Variants in IQCK observed in about 807,000 individuals in gnomAD.
IQCK encodes the protein IQ motif containing K, also known as IQ domain-containing protein K.
Under a neutral mutation model 28.1 loss-of-function variants are expected in IQCK, and 29 were observed. The ratio of observed to expected loss-of-function variants is 1.03; its 90% CI spans 0.77 to 1.41. IQCK has a LOEUF of 1.41. Among genes scored for constraint, IQCK ranks in the 40% most tolerant of loss-of-function variants. The pLI is 0.00. For synonymous variants in IQCK, 113 were observed against 115.1 expected (o/e 0.98, Z 0.12); for missense variants, 359 against 314.7 (o/e 1.14, Z -1.07).
intron 9 of IQCK, among the ~76,000 whole-genome samples, chr16:19,848,349 T>C (rs1421546946): frequency 1.3e-5 from 2 of 152,234 alleles, no homozygotes; most frequent in African/African-American, 4.8e-5. Context: ...CTTGCCAGAA[T>C]GATGTTTAAA....
chr16:19,809,046 G>A (rs893886173), intron 7 of IQCK, among the ~76,000 whole-genome samples: 2 of 152,040 alleles, frequency 1.3e-5, no homozygotes, highest in Middle Eastern at 3.2e-3. Flanking sequence ...TAGTAGAGAC[G>A]GGGTTTCACC....
intron 7 of IQCK, among the ~76,000 whole-genome samples, chr16:19,818,504 T>C (rs1022989367): frequency 6.6e-6 from 1 of 152,188 alleles, no homozygotes; most frequent in South Asian, 2.1e-4. Context: ...GTGATCCTCC[T>C]TCCTCAGCCT....
rs967572738 is a variant in IQCK at position 19,825,858 on chromosome 16, G to A, written c.691-1168G>A. Among the ~76,000 whole-genome samples the A allele has an allele frequency of 2.2e-4, 33 of 152,174 alleles. No homozygotes were observed. The highest frequency in any genetic ancestry group is 2.2e-4 in the Non-Finnish European group (15 of 68,034). On this transcript the variant is annotated intron_variant, in intron 7 of 7. Coordinates refer to ENST00000564186, the Ensembl canonical transcript of IQCK. This position sits in a 1 kb window ranked among gnomAD's most constrained non-coding sequence, Gnocchi z 4.2. ...AGTGTTAAATAGAACTGTGGTTAAT[G>A]CATTAACTGTGGTGAACCTAGAACT...
chr16:19,743,986 G>A (rs1597511411), intron 4 of IQCK, among the ~76,000 whole-genome samples: 2 of 152,184 alleles, frequency 1.3e-5, no homozygotes, highest in South Asian at 4.1e-4. Context: ...TGTGGTGTGT[G>A]TGGGTGTGTG....
intron 7 of IQCK, among the ~76,000 whole-genome samples, chr16:19,796,774 C>T (rs147642735): frequency 3.9e-5 from 4 of 103,718 alleles, no homozygotes; most frequent in Non-Finnish European, 6.6e-5. Flanking sequence ...TCACTGCACC[C>T]GGCCTGTTTC....
chr16:19,781,635 T>A (rs911553887), intron 6 of IQCK, among the ~76,000 whole-genome samples: 5 of 152,172 alleles, frequency 3.3e-5, no homozygotes, highest in Admixed American at 6.5e-5. Context: ...TGTCTGGGAG[T>A]ACCATTCCAG....
At chr16:19,769,368 T>TG (rs2055286817) in intron 6 of IQCK, among the ~76,000 whole-genome samples, 1 of 152,200 alleles carries the variant, frequency 6.6e-6, no homozygotes, top group Non-Finnish European at 1.5e-5. Context: ...CAGTTCCTTA[T>TG]TGGTAAATGT....
chr16:19,827,076 TC>T lies in IQCK; in HGVS notation c.742del (p.Arg248AlafsTer29), dbSNP rs2056159037. On this transcript the variant is annotated frameshift_variant, in exon 8 of 8. Transcript: ENST00000564186. LOFTEE classifies it low-confidence loss of function (END_TRUNC). ...AACTGCGTCAGTGGCAGAAGAAACT[TC>T]GCGAGGCCAAGCACATTCACCAGCA... 1.2e-6 allele frequency: 2 copies of T among 1,614,134 alleles called. No individual in the cohort carries two copies. Among genetic ancestry groups the T allele is most frequent in the Admixed American group, 1.7e-5 (1 of 60,016 alleles).
At chr16:19,724,216 C>G (rs755286939) in intron 1 of IQCK, among the ~76,000 whole-genome samples, 8 of 152,148 alleles carry the variant, frequency 5.3e-5, no homozygotes, top group Admixed American at 1.3e-4. Context: ...CACGTGGCCC[C>G]TCTTCTGGAA....
intron 7 of IQCK, among the ~76,000 whole-genome samples, chr16:19,807,806 A>G (rs1171355519): frequency 6.6e-6 from 1 of 152,210 alleles, no homozygotes; most frequent in East Asian, 1.9e-4. Flanking sequence ...ATGTGAGGGC[A>G]TAAATGAAAT....
intron 7 of IQCK, among the ~76,000 whole-genome samples, chr16:19,824,042 AG>A (rs1323805801): frequency 6.6e-6 from 1 of 152,154 alleles, no homozygotes; most frequent in African/African-American, 2.4e-5. Context: ...TCCATGGATG[AG>A]GGACTGGGGT....
Position 19,836,662 on chromosome 16 carries a change from C to T in IQCK, c.802+9525C>T, listed in dbSNP as rs190094603. On this transcript the variant is annotated intron_variant, in intron 9 of 9. Transcript: ENST00000320394. ...CCGAGTAGCTGGGACTACAGGCGCA[C>T]GCCACCACGCCTGGCTAATTTTTGT... Among the ~76,000 whole-genome samples the T allele has an allele frequency of 3.0e-4, 45 of 152,168 alleles. No individual in the cohort carries two copies. The East Asian group carries it at 7.2e-3, about 24-fold the overall frequency.
At chr16:19,790,632 A>C (rs1186704736) in intron 7 of IQCK, among the ~76,000 whole-genome samples, 1 of 114,266 alleles carries the variant, frequency 8.8e-6, no homozygotes, top group Non-Finnish European at 1.5e-5. Context: ...AATAACAAAT[A>C]TTTGCTACAT....
At chr16:19,816,072 G>C (rs995325510) in intron 7 of IQCK, among the ~76,000 whole-genome samples, 1 of 152,146 alleles carries the variant, frequency 6.6e-6, no homozygotes, top group Non-Finnish European at 1.5e-5. Flanking sequence ...TCCAGCAACT[G>C]TAATATATGA....
At chr16:19,844,325 C>T (rs532446231) in intron 9 of IQCK, among the ~76,000 whole-genome samples, 51 of 152,142 alleles carry the variant, frequency 3.4e-4, no homozygotes, top group Non-Finnish European at 1.9e-4. Context: ...GTGATCCGCC[C>T]GCCTTGGCCT....
chr16:19,762,670 A>T (rs1391365321), intron 4 of IQCK, among the ~76,000 whole-genome samples: 1 of 152,122 alleles, frequency 6.6e-6, no homozygotes, highest in African/African-American at 2.4e-5. Flanking sequence ...AAGAATATAC[A>T]GTTGACTCCT....
chr16:19,761,505 A>G, intron 4 of IQCK: 1 of 438,866 alleles, frequency 2.3e-6, no homozygotes, highest in Non-Finnish European at 4.6e-6. Flanking sequence ...CTTGGGAAGG[A>G]TCTCTCCACA....
exon 8 of IQCK, chr16:19,827,096 A>G: frequency 1.2e-6 from 2 of 1,614,102 alleles, no homozygotes; most frequent in Non-Finnish European, 1.7e-6. Flanking sequence ...AAGCACATTC[A>G]CCAGCAAGTC....
At chr16:19,811,503 G>A (rs773343007) in intron 7 of IQCK, among the ~76,000 whole-genome samples, 20 of 152,224 alleles carry the variant, frequency 1.3e-4, no homozygotes, top group Middle Eastern at 6.8e-3. Context: ...TCTGTACTGC[G>A]ATATAGTCTT....
Sources: gnomAD v4.1 joint callset for allele counts (sites outside exome capture counted in the v4.1 genomes callset) on GRCh38, gnomAD v4.1.1 for gene constraint, Gnocchi (gnomAD v3.1) non-coding constraint, MANE v1.5 for transcripts, NCBI Gene and HGNC (gene_info 2026-07-23, HGNC 2026-07-21) for gene names.